NRP1: variants seen among roughly 807,000 people sequenced by gnomAD.
The protein encoded by NRP1 is neuropilin 1.
A neutral mutation model predicts 106.7 loss-of-function variants in NRP1; 35 were observed. The ratio of observed to expected loss-of-function variants is 0.33; its 90% CI spans 0.25 to 0.43. The LOEUF (loss-of-function observed/expected upper bound fraction) is 0.43. Ranked by LOEUF, NRP1 falls within the 20% of genes least tolerant of loss-of-function variation. The pLI is 1.00. For synonymous variants in NRP1, 437 were observed against 417.9 expected (o/e 1.05, Z -0.56); for missense variants, 1,024 against 1,170.4 (o/e 0.87, Z 1.83).
intron 2 of NRP1, among the ~76,000 whole-genome samples, chr10:33,311,686 G>C (rs1213173305): frequency 6.6e-6 from 1 of 152,186 alleles, no homozygotes; most frequent in Non-Finnish European, 1.5e-5. Context: ...CAATGCTTGG[G>C]AAAGTGCCTG....
intron 2 of NRP1, among the ~76,000 whole-genome samples, chr10:33,309,572 A>G (rs1232875503): frequency 1.3e-5 from 2 of 152,104 alleles, no homozygotes; most frequent in African/African-American, 4.8e-5. Flanking sequence ...AATTTCCTGT[A>G]TTTCTTTCTA....
chr10:33,181,516 A>G (rs1835683923), intron 16 of NRP1, among the ~76,000 whole-genome samples: 1 of 152,224 alleles, frequency 6.6e-6, no homozygotes, highest in Admixed American at 6.5e-5. Context: ...GTGCAGCACC[A>G]TCCACACAGC....
At chr10:33,241,289 C>T (rs1318564207) in intron 6 of NRP1, among the ~76,000 whole-genome samples, 1 of 152,180 alleles carries the variant, frequency 6.6e-6, no homozygotes, top group Non-Finnish European at 1.5e-5. Context: ...CATGTGCTCC[C>T]TTTGCTATCC....
At chr10:33,334,265 G>GGAGCC (rs1420165419) in intron 1 of NRP1, 45 bp downstream of exon 1, 2 of 1,521,534 alleles carry the variant, frequency 1.3e-6, no homozygotes, top group Admixed American at 3.9e-5. Flanking sequence ...CGGGCAGCTG[G>GGAGCC]GAGCCGGGGC....
chr10:33,306,355 G>GGTGTGTGTGT (rs61242197), intron 2 of NRP1, among the ~76,000 whole-genome samples: 5,368 of 148,076 alleles, frequency 0.036, 259 homozygotes, highest in African/African-American at 0.11. Context: ...GGGTCAGAAG[G>GGTGTGTGTGT]GTGTGTGTGT....
chr10:33,264,765 A>G (rs1333436678), intron 3 of NRP1, among the ~76,000 whole-genome samples: 1 of 152,142 alleles, frequency 6.6e-6, no homozygotes, highest in Non-Finnish European at 1.5e-5. Context: ...TCCAATTTCA[A>G]TTCATGGTAA....
At chr10:33,208,210 G>A (rs994664283) in intron 9 of NRP1, among the ~76,000 whole-genome samples, 2 of 152,154 alleles carry the variant, frequency 1.3e-5, no homozygotes, top group East Asian at 1.9e-4. Flanking sequence ...ACAGGCATGC[G>A]CCACCACGCC....
chr10:33,208,244 G>C (rs964827090), intron 9 of NRP1, among the ~76,000 whole-genome samples: 1 of 152,136 alleles, frequency 6.6e-6, no homozygotes. Context: ...GTGGAGACAG[G>C]GTCTCATGAT....
chr10:33,290,387 G>A lies in NRP1; in HGVS notation c.249-19531C>T, dbSNP rs184764231. 1.9e-3 allele frequency among the ~76,000 whole-genome samples: 283 copies of A among 149,190 alleles called. 1 individual carries two copies. Among genetic ancestry groups the A allele is most frequent in the East Asian group, 5.3e-3 (27 of 5,084 alleles). ...TTTTTTAATTCATAGGGGCCACCAA[G>A]GCATGAGGGGATGACCGACCCTGGT... is the stretch of plus-strand genomic sequence containing the variant. On this transcript the variant is annotated intron_variant, in intron 2 of 16. Transcript: ENST00000374867.
In NRP1 at chr10:33,283,270, T is replaced by C. The variant is rs571462586; in HGVS notation, c.249-12414A>G. On this transcript the variant is annotated intron_variant, in intron 2 of 16. Transcript: ENST00000374867. The stretch of plus-strand genomic sequence containing the variant: ...CCTCTTCTGTAATCTCTAGTGTTTA[T>C]TGAAAGTAGCATACTGTTTGCTATA... Among the ~76,000 whole-genome samples, 4 of 152,390 alleles carry C rather than the reference T, an allele frequency of 2.6e-5. No individual in the cohort carries two copies. In the East Asian group the frequency reaches 5.8e-4, roughly 22 times the overall value.
chr10:33,228,167 A>T (rs1839819750), intron 6 of NRP1, among the ~76,000 whole-genome samples: 2 of 152,136 alleles, frequency 1.3e-5, no homozygotes, highest in Non-Finnish European at 2.9e-5. Context: ...AATATATGGC[A>T]AATATTTTTT....
At chr10:33,267,227 C>T (rs1842984593) in intron 3 of NRP1, among the ~76,000 whole-genome samples, 1 of 152,134 alleles carries the variant, frequency 6.6e-6, no homozygotes, top group South Asian at 2.1e-4. Context: ...CCAATTAAAC[C>T]TCTTTCCTTT....
At chr10:33,187,916 C>T (rs946259188) in intron 13 of NRP1, among the ~76,000 whole-genome samples, 1 of 152,112 alleles carries the variant, frequency 6.6e-6, no homozygotes, top group Non-Finnish European at 1.5e-5. Flanking sequence ...TGTGAGAGCC[C>T]GCCCTTCTTC....
chr10:33,249,084 GTTTTTTTTTT>G (rs750905931), intron 6 of NRP1, among the ~76,000 whole-genome samples: 7 of 72,198 alleles, frequency 9.7e-5, no homozygotes, highest in African/African-American at 1.2e-4. Context: ...TATGTCTCTT[GTTTTTTTTTT>G]TTTTTTTTTT....
At chr10:33,284,107 C>T (rs936887132) in intron 2 of NRP1, among the ~76,000 whole-genome samples, 39 of 141,114 alleles carry the variant, frequency 2.8e-4, no homozygotes, top group Non-Finnish European at 1.2e-4. Context: ...ATAAAAAATT[C>T]CCCCTGATAA....
rs542557443 is a variant in NRP1, at chr10:33,258,595, C to T, written c.659-2124G>A. On this transcript the variant is annotated intron_variant, in intron 4 of 16. Transcript: ENST00000374867. Reference sequence around the variant, plus strand: ...GCAAATTTTGTTATATTCGACTTCTCAGTTGGCAGAAGAAAGCATCTCAGA... The same window carrying T: ...GCAAATTTTGTTATATTCGACTTCTTAGTTGGCAGAAGAAAGCATCTCAGA... Among the ~76,000 whole-genome samples the T allele has an allele frequency of 7.9e-5, 12 of 152,294 alleles. 1 individual carries two copies. The South Asian group carries it at 1.9e-3, about 24-fold the overall frequency.
intron 2 of NRP1, among the ~76,000 whole-genome samples, chr10:33,318,860 G>C (rs1847230969): frequency 6.6e-6 from 1 of 151,054 alleles, no homozygotes; most frequent in Admixed American, 6.6e-5. Context: ...CTCTAATAGA[G>C]CCAGGGCTGA....
At chr10:33,248,583 A>G (rs1485697393) in intron 6 of NRP1, among the ~76,000 whole-genome samples, 1 of 152,146 alleles carries the variant, frequency 6.6e-6, no homozygotes, top group Non-Finnish European at 1.5e-5. Flanking sequence ...CGTTAATATT[A>G]TTTGAGAAAT....
At chr10:33,334,133 T>A (rs1179519410) in intron 1 of NRP1, among the ~76,000 whole-genome samples, 177 bp downstream of exon 1, 3 of 152,200 alleles carry the variant, frequency 2.0e-5, no homozygotes, top group Non-Finnish European at 4.4e-5. Context: ...CCTGAAATCC[T>A]CCTGCTCTAA....
Sources: gnomAD v4.1 joint callset for allele counts (sites outside exome capture counted in the v4.1 genomes callset) on GRCh38, gnomAD v4.1.1 for gene constraint, MANE v1.5 for transcripts, NCBI Gene and HGNC (gene_info 2026-07-23, HGNC 2026-07-21) for gene names.